ATP2B4: variants seen among roughly 807,000 people sequenced by gnomAD.
ATP2B4 encodes the protein plasma membrane calcium-transporting ATPase 4.
In ATP2B4, 39 loss-of-function variants were observed where a neutral mutation model predicts 110.3. The ratio of observed to expected loss-of-function variants is 0.35; its 90% CI spans 0.27 to 0.46. The LOEUF (loss-of-function observed/expected upper bound fraction) is 0.46, where lower values mean the gene tolerates loss of function less well. ATP2B4 is among the 20% of genes least tolerant of loss of function. The pLI, the probability that ATP2B4 is intolerant of heterozygous loss-of-function variation, is 1.00. For missense variants in ATP2B4, 1,135 were observed against 1,530.9 expected (o/e 0.74, Z 4.32); for synonymous variants, 538 against 571.7 (o/e 0.94, Z 0.84).
chr1:203,628,101 G>T (rs910171642), intron 1 of ATP2B4, among the ~76,000 whole-genome samples: 3 of 152,200 alleles, frequency 2.0e-5, no homozygotes, highest in Non-Finnish European at 4.4e-5. Flanking sequence ...TGGCAGATGG[G>T]GTGGGCCACA....
chr1:203,719,065 A>G (rs1666239944), intron 15 of ATP2B4, among the ~76,000 whole-genome samples: 1 of 151,942 alleles, frequency 6.6e-6, no homozygotes, highest in South Asian at 2.1e-4. Context: ...ATCTCTAAAA[A>G]AAATAAAAAA....
At chr1:203,638,588 C>T (rs1428518423) in intron 1 of ATP2B4, among the ~76,000 whole-genome samples, 2 of 152,106 alleles carry the variant, frequency 1.3e-5, no homozygotes, top group African/African-American at 2.4e-5. Flanking sequence ...TCGAGACTTG[C>T]CCAAAGACAC....
At chr1:203,687,980 G>C (rs1665248003) in intron 2 of ATP2B4, among the ~76,000 whole-genome samples, 1 of 146,434 alleles carries the variant, frequency 6.8e-6, no homozygotes, top group Non-Finnish European at 1.5e-5. Flanking sequence ...CCTGGAGAGA[G>C]GGAGAGAGAA....
At chr1:203,682,485 G>A (rs1038697813) in intron 1 of ATP2B4, among the ~76,000 whole-genome samples, 2 of 152,176 alleles carry the variant, frequency 1.3e-5, no homozygotes, top group African/African-American at 4.8e-5. Context: ...TTGGTTGGGA[G>A]AGGTGAGACG....
intron 1 of ATP2B4, among the ~76,000 whole-genome samples, chr1:203,674,906 G>A (rs11240720): frequency 0.74 from 111,918 of 151,902 alleles, 42,019 homozygotes; most frequent in Middle Eastern, 0.86. Context: ...ACGGGGTTTC[G>A]CCATGTTGGC....
intron 11 of ATP2B4, among the ~76,000 whole-genome samples, chr1:203,710,168 C>A (rs929974757): frequency 5.3e-5 from 8 of 152,050 alleles, no homozygotes; most frequent in African/African-American, 1.9e-4. Flanking sequence ...GAGTTCGAAA[C>A]CAGCCCGACC....
intron 1 of ATP2B4, among the ~76,000 whole-genome samples, chr1:203,661,363 TCTC>T (rs1210470719): frequency 1.3e-5 from 2 of 152,180 alleles, no homozygotes; most frequent in Non-Finnish European, 2.9e-5. Flanking sequence ...TAGCCAGTTT[TCTC>T]CTCTGTAAAA....
intron 1 of ATP2B4, among the ~76,000 whole-genome samples, chr1:203,643,901 C>T (rs1391202203): frequency 6.6e-6 from 1 of 152,136 alleles, no homozygotes; most frequent in Non-Finnish European, 1.5e-5. Flanking sequence ...TTAGTCATTC[C>T]TATATACTCG....
chr1:203,640,895 A>G (rs1274596742), intron 1 of ATP2B4, among the ~76,000 whole-genome samples: 2 of 152,234 alleles, frequency 1.3e-5, no homozygotes, highest in Non-Finnish European at 2.9e-5. Flanking sequence ...AAGTTTCAAC[A>G]GCATTTATTG....
chr1:203,717,537 C>A (rs1218937308), intron 15 of ATP2B4, among the ~76,000 whole-genome samples: 1 of 151,876 alleles, frequency 6.6e-6, no homozygotes, highest in Non-Finnish European at 1.5e-5. Flanking sequence ...TTGGTTTATT[C>A]TTGGTTTTTT....
At chr1:203,680,060 CAAAAAA>C (rs71145014) in intron 1 of ATP2B4, among the ~76,000 whole-genome samples, 2 of 120,624 alleles carry the variant, frequency 1.7e-5, no homozygotes, top group Admixed American at 8.2e-5. Context: ...GACTCTTTCT[CAAAAAA>C]AAAAAAAAAA....
intron 1 of ATP2B4, among the ~76,000 whole-genome samples, chr1:203,645,594 T>C (rs987460800): frequency 1.7e-4 from 26 of 151,000 alleles, no homozygotes; most frequent in African/African-American, 5.8e-4. Flanking sequence ...TTCTTTCTTT[T>C]TTTTTTTTTT....
chr1:203,666,358 A>G (rs1664503293), intron 1 of ATP2B4, among the ~76,000 whole-genome samples: 1 of 152,172 alleles, frequency 6.6e-6, no homozygotes, highest in South Asian at 2.1e-4. Context: ...GAGAGTTGAA[A>G]GGGTCCTGAC....
At chr1:203,712,189 G>A (rs780450426) in intron 13 of ATP2B4, 50 bp downstream of exon 13, 5 of 1,589,912 alleles carry the variant, frequency 3.1e-6, no homozygotes, top group Middle Eastern at 1.9e-4. Flanking sequence ...AGGAAAAGGC[G>A]GGTTCTAGCA....
At chr1:203,708,348 GC>G (rs1394681753) in intron 10 of ATP2B4, among the ~76,000 whole-genome samples, 1 of 152,204 alleles carries the variant, frequency 6.6e-6, no homozygotes, top group Non-Finnish European at 1.5e-5. Context: ...GCATGTAAAA[GC>G]AATGTCTCTA....
rs371098430 is a variant in ATP2B4 at position 203,683,354 on chromosome 1, G to C, written c.149G>C (p.Gly50Ala). Residue 50 changes from glycine (G) to alanine (A), a missense_variant, in exon 2 of 21, where the codon GGT becomes GCT. Physicochemically the swap from Gly to Ala is moderately conservative, Grantham distance 60. Coordinates refer to ENST00000357681, the MANE Select transcript of ATP2B4 (RefSeq NM_001684.5). ...ALTQINVHYG[G>A]VQNLCSRLKT... ...ACCCAGATTAATGTCCACTATGGAG[G>C]TGTACAGAATCTCTGCAGTAGACTG... 1.5e-5 allele frequency: 24 copies of C among 1,614,018 alleles called. No homozygotes were observed. The African/African-American group carries it at 2.7e-4, about 18-fold the overall frequency.
At chr1:203,739,420 T>C (rs1558060188) in intron 20 of ATP2B4, 126 bp from the exon 21 acceptor site, 1 of 933,554 alleles carries the variant, frequency 1.1e-6, no homozygotes, top group Non-Finnish European at 1.6e-6. Flanking sequence ...TGTTTGGTTT[T>C]GATGCTGAGC....
rs898043753 is a variant in ATP2B4 at position 203,673,401 on chromosome 1, G to A, written c.-464-9341G>A. Reference sequence around the variant, plus strand: ...TCCAAAGGCCTAGGCTGACTGAATGGATCCTGTCTGTGCAATATGTGAACA... The same window carrying A: ...TCCAAAGGCCTAGGCTGACTGAATGAATCCTGTCTGTGCAATATGTGAACA... On this transcript the variant is annotated intron_variant, in intron 1 of 20. Transcript: ENST00000357681. Among the ~76,000 whole-genome samples the A allele has an allele frequency of 3.3e-5, 5 of 152,246 alleles. 1 individual carries two copies. Among genetic ancestry groups the A allele is most frequent in the Admixed American group, 2.6e-4 (4 of 15,294 alleles).
intron 1 of ATP2B4, among the ~76,000 whole-genome samples, chr1:203,664,337 G>T (rs1184936322): frequency 6.6e-6 from 1 of 152,208 alleles, no homozygotes; most frequent in African/African-American, 2.4e-5. Flanking sequence ...GGACTGGAAA[G>T]TATAGGAACA....
Sources: allele counts gnomAD v4.1 joint callset (sites outside exome capture counted in the v4.1 genomes callset), GRCh38; gene constraint gnomAD v4.1.1; transcripts MANE v1.5; gene names NCBI Gene and HGNC (gene_info 2026-07-23, HGNC 2026-07-21).